NECTIN4: variants seen among roughly 807,000 people sequenced by gnomAD.
NECTIN4 encodes nectin-4.
NECTIN4 carries 19 observed loss-of-function variants against 51.7 expected under a neutral mutation model. The observed-to-expected ratio is 0.37, with a 90% confidence interval of 0.26 to 0.54. The LOEUF (loss-of-function observed/expected upper bound fraction) is 0.54, where lower values mean the gene tolerates loss of function less well. Among genes scored for constraint, NECTIN4 ranks in the 20% least tolerant of loss-of-function variants. The probability of loss-of-function intolerance (pLI) is 0.86; values close to 1 mark genes in which losing one functional copy is unlikely to be tolerated. For synonymous variants in NECTIN4, 283 were observed against 286.9 expected (o/e 0.99, Z 0.14); for missense variants, 619 against 662.4 (o/e 0.93, Z 0.72).
At chr1:161,087,524 T>A (rs914545419) in intron 1 of NECTIN4, 8 of 150,846 alleles carry the variant, frequency 5.3e-5, no homozygotes, top group African/African-American at 1.7e-4. Context: ...GTACCCAGTG[T>A]GCACTCAAAT....
At chr1:161,088,680 C>T (rs1654054951) in intron 1 of NECTIN4, among the ~76,000 whole-genome samples, 1 of 152,068 alleles carries the variant, frequency 6.6e-6, no homozygotes, top group African/African-American at 2.4e-5. Flanking sequence ...CAACAGGTGC[C>T]CCAGTCCTGG....
intron 3 of NECTIN4, 126 bp downstream of exon 3, chr1:161,077,327 G>C (rs1653452282): frequency 1.1e-6 from 1 of 924,130 alleles, no homozygotes; most frequent in Non-Finnish European, 1.7e-6. Context: ...CTAGTGCTCT[G>C]TCACATACTA....
intron 1 of NECTIN4, among the ~76,000 whole-genome samples, chr1:161,083,146 C>G (rs908374083): frequency 6.6e-6 from 1 of 152,140 alleles, no homozygotes; most frequent in African/African-American, 2.4e-5. Flanking sequence ...CTTCACAGAC[C>G]GAGGAACCCA....
intron 6 of NECTIN4, 51 bp downstream of exon 6, chr1:161,074,166 C>G: frequency 6.2e-7 from 1 of 1,611,898 alleles, no homozygotes; most frequent in Non-Finnish European, 8.5e-7. Context: ...CTGCTATCCT[C>G]TTCTTTGTTC....
intron 6 of NECTIN4, 37 bp downstream of exon 6, chr1:161,074,180 G>C: frequency 6.2e-7 from 1 of 1,613,332 alleles, no homozygotes; most frequent in Non-Finnish European, 8.5e-7. Flanking sequence ...TTTGTTCTCA[G>C]CTTAGTTCTA....
At chr1:161,075,718 G>A (rs1047456672) in intron 4 of NECTIN4, among the ~76,000 whole-genome samples, 2 of 151,958 alleles carry the variant, frequency 1.3e-5, no homozygotes, top group African/African-American at 4.8e-5. Context: ...GTTGCAGTGA[G>A]CCAAGATCGC....
chr1:161,085,916 C>T (rs1242535548), intron 1 of NECTIN4, among the ~76,000 whole-genome samples: 3 of 152,244 alleles, frequency 2.0e-5, no homozygotes, highest in African/African-American at 7.2e-5. Context: ...AACTCCTGGC[C>T]TCAAGGGATT....
Position 161,071,223 on chromosome 1 carries a change from A to G in NECTIN4, c.*1438T>C, listed in dbSNP as rs375537125. ...AAATCTAGGTATTCTGGCTGAGTGT[A>G]TCTGGGTGGGCCAGCTAAAAATAAA... On this transcript the variant is annotated 3_prime_UTR_variant, in exon 9 of 9. Transcript: ENST00000368012. 31 of 152,132 alleles carry G rather than the reference A, an allele frequency of 2.0e-4. No homozygotes were observed. Among genetic ancestry groups the G allele is most frequent in the African/African-American group, 7.5e-4 (31 of 41,420 alleles). 9.4% of individuals were successfully genotyped at this position (152,132 alleles called of 1,614,324 possible).
chr1:161,086,224 G>T (rs1415578225), intron 1 of NECTIN4, among the ~76,000 whole-genome samples: 2 of 152,152 alleles, frequency 1.3e-5, no homozygotes, highest in African/African-American at 4.8e-5. Flanking sequence ...TGGTCTGGCT[G>T]ATGGAATCAT....
At chr1:161,078,337 T>G (rs1653512678) in intron 2 of NECTIN4, among the ~76,000 whole-genome samples, 1 of 152,156 alleles carries the variant, frequency 6.6e-6, no homozygotes, top group Non-Finnish European at 1.5e-5. Flanking sequence ...AGACTGAGTC[T>G]CCGTCTGTTG....
intron 1 of NECTIN4, among the ~76,000 whole-genome samples, chr1:161,081,796 C>T (rs1402282687): frequency 1.3e-5 from 2 of 151,740 alleles, no homozygotes; most frequent in African/African-American, 4.8e-5. Context: ...AGCAGGAGTC[C>T]TCCCTCCTCC....
chr1:161,072,175 CCTCT>C lies in NECTIN4; in HGVS notation c.*482_*485del. The C allele has an allele frequency of 4.1e-6, 1 of 246,162 alleles. No individual in the cohort carries two copies. Among genetic ancestry groups the C allele is most frequent in the Non-Finnish European group, 8.1e-6 (1 of 122,714 alleles). The allele number at this position is 246,162 out of a possible 1,614,324, so 15.2% of individuals were successfully genotyped here. ...ACCTGGGTCTGAGCCACAGTCTCCACCTCTCTCCTCCAACCTCTGCATCATTAAT... is the reference window on the plus strand; with the variant it reads ...ACCTGGGTCTGAGCCACAGTCTCCACCTCCTCCAACCTCTGCATCATTAAT... On this transcript the variant is annotated 3_prime_UTR_variant, in exon 9 of 9. Coordinates refer to ENST00000368012, the MANE Select transcript of NECTIN4 (RefSeq NM_030916.3).
chr1:161,072,975 C>A, intron 8 of NECTIN4, 90 bp from the exon 9 acceptor site: 1 of 1,307,240 alleles, frequency 7.6e-7, no homozygotes, highest in Non-Finnish European at 1.1e-6. Flanking sequence ...GGATCAGAGG[C>A]CAGGCGTAAG....
chr1:161,088,692 G>T (rs982536769), intron 1 of NECTIN4, among the ~76,000 whole-genome samples: 1 of 152,144 alleles, frequency 6.6e-6, no homozygotes, highest in African/African-American at 2.4e-5. Context: ...CAGTCCTGGT[G>T]CTCTAGAACA....
rs899994756 is a variant in NECTIN4 at position 161,074,139 on chromosome 1, C to A, written c.1157+78G>T. ...CAGTTTTCAGCCTACCCAGTCTCCT[C>A]GGTCCTGGCCCACCTCCTGCTATCC... On this transcript the variant is annotated intron_variant, in intron 6 of 8. Transcript: ENST00000368012. 1.9e-6 allele frequency: 3 copies of A among 1,578,668 alleles called. No individual in the cohort carries two copies. The African/African-American group carries it at 4.0e-5, about 21-fold the overall frequency.
rs1434654273 is a variant in NECTIN4, at chr1:161,077,655, G to A, written c.528C>T (p.Ser176=). 5 of 1,613,470 alleles carry A rather than the reference G, an allele frequency of 3.1e-6. No individual in the cohort carries two copies. In the East Asian group the frequency reaches 1.1e-4, roughly 36 times the overall value. ...TLAASCTAEG[S]PAPSVTWDTE... ...TGTCCCAGGTCACGCTGGGGGCTGG[G>A]CTGCCCTCAGCTGTGCAGGAGGCTG... Residue 176 remains serine, a synonymous_variant, in exon 3 of 9, where the codon AGC becomes AGT. Transcript: ENST00000368012.
chr1:161,087,527 A>T (rs1340174732), intron 1 of NECTIN4: 1 of 150,736 alleles, frequency 6.6e-6, no homozygotes, highest in Non-Finnish European at 1.5e-5. Context: ...CCCAGTGTGC[A>T]CTCAAATGTA....
Position 161,071,442 on chromosome 1 carries a change from A to G in NECTIN4, c.*1219T>C, listed in dbSNP as rs1653159770. On this transcript the variant is annotated 3_prime_UTR_variant, in exon 9 of 9. Transcript: ENST00000368012. ...CTATTGAACAGGAGCCCTTGTCACC[A>G]GGTCCAAGCAATTCCCTAAGGTATC... 1 of 152,280 alleles carries G rather than the reference A, an allele frequency of 6.6e-6. No individual in the cohort carries two copies. Among genetic ancestry groups the G allele is most frequent in the South Asian group, 2.1e-4 (1 of 4,838 alleles). The allele number at this position is 152,280 out of a possible 1,614,324, so 9.4% of individuals were successfully genotyped here.
chr1:161,080,450 A>G (rs1333252163), intron 1 of NECTIN4, among the ~76,000 whole-genome samples: 1 of 152,254 alleles, frequency 6.6e-6, no homozygotes, highest in East Asian at 1.9e-4. Context: ...CAAGAATCCA[A>G]AACTGTTGGT....
Sources: gnomAD v4.1 joint callset for allele counts (sites outside exome capture counted in the v4.1 genomes callset) on GRCh38, gnomAD v4.1.1 for gene constraint, MANE v1.5 for transcripts, NCBI Gene and HGNC (gene_info 2026-07-23, HGNC 2026-07-21) for gene names.